Variants in STK32B observed in about 807,000 individuals in gnomAD.
The protein encoded by STK32B is serine/threonine kinase 32B, also known as serine/threonine-protein kinase 32B.
A neutral mutation model predicts 52.6 loss-of-function variants in STK32B; 43 were observed. The ratio of observed to expected loss-of-function variants is 0.82; its 90% CI spans 0.64 to 1.05. STK32B has a LOEUF of 1.05. Among genes scored for constraint, STK32B ranks in the 50% least tolerant of loss-of-function variants. The pLI, the probability that STK32B is intolerant of heterozygous loss-of-function variation, is 0.00. For synonymous variants in STK32B, 238 were observed against 204.3 expected, an observed-to-expected ratio of 1.17 and a Z score of -1.41; for missense variants, 621 against 534.6, an observed-to-expected ratio of 1.16 and a Z score of -1.59.
chr4:5,190,497 G>A (rs1269142613), intron 3 of STK32B, among the ~76,000 whole-genome samples: 1 of 152,118 alleles, frequency 6.6e-6, no homozygotes, highest in Non-Finnish European at 1.5e-5. Context: ...ACTGCATTTG[G>A]TGTCATGGGT....
At chr4:5,240,109 G>A (rs1027670545) in intron 3 of STK32B, among the ~76,000 whole-genome samples, 22 of 144,448 alleles carry the variant, frequency 1.5e-4, no homozygotes, top group African/African-American at 5.4e-4. Context: ...CTTTATCCTT[G>A]GGTTTGACAT....
chr4:5,330,436 AAAAAC>A lies in STK32B; in HGVS notation c.261-774_261-770del, dbSNP rs148481781. Among the ~76,000 whole-genome samples, 3 of 152,330 alleles carry A rather than the reference AAAAAC, an allele frequency of 2.0e-5. No individual in the cohort carries two copies. The East Asian group carries it at 5.8e-4, about 29-fold the overall frequency. ...TACTGTATCAATTTTCTACTGTTTC[AAAAAC>A]AAAACAAAATACCACCCTAAAACTT... On this transcript the variant is annotated intron_variant, in intron 3 of 11. Coordinates refer to ENST00000282908, the MANE Select transcript of STK32B (RefSeq NM_018401.3).
the STK32B span, among the ~76,000 whole-genome samples, chr4:5,037,082 A>G: frequency 3.3e-5 from 5 of 152,074 alleles, no homozygotes; most frequent in Admixed American, 6.5e-5. Context: ...GACCCTATTG[A>G]CACTTTGGGA....
the STK32B span, among the ~76,000 whole-genome samples, chr4:5,036,633 C>G: frequency 3.4e-5 from 5 of 146,390 alleles, no homozygotes; most frequent in Non-Finnish European, 6.0e-5. Flanking sequence ...TTTATAATTA[C>G]ATATTAAATA....
intron 7 of STK32B, 127 bp downstream of exon 7, chr4:5,446,903 G>C: frequency 2.4e-6 from 2 of 835,604 alleles, no homozygotes; most frequent in South Asian, 1.6e-5. Flanking sequence ...CTGCCCCCCA[G>C]GTTTCAGTCC....
Position 5,455,067 on chromosome 4 carries a change from A to C in STK32B, c.667-1740A>C, listed in dbSNP as rs6814599. ...ACAGATAAGAGAGAAGGTGCCACTC[A>C]GGAAAAAAAGCTCCCTTCTGGGTGT... On this transcript the variant is annotated intron_variant, in intron 7 of 11. Coordinates refer to ENST00000282908, the MANE Select transcript of STK32B (RefSeq NM_018401.3). Among the ~76,000 whole-genome samples the C allele has an allele frequency of 8.9e-3, 1,357 of 152,190 alleles. 20 individuals carry two copies. Among genetic ancestry groups the C allele is most frequent in the African/African-American group, 0.031 (1,278 of 41,508 alleles).
intron 4 of STK32B, among the ~76,000 whole-genome samples, chr4:5,385,722 C>T (rs1577426933): frequency 6.6e-6 from 1 of 152,076 alleles, no homozygotes; most frequent in East Asian, 1.9e-4. Flanking sequence ...GCACTCAGTC[C>T]ATCCTCATGG....
intron 5 of STK32B, among the ~76,000 whole-genome samples, chr4:5,401,725 T>C (rs1228084870): frequency 6.6e-6 from 1 of 152,198 alleles, no homozygotes; most frequent in East Asian, 1.9e-4. Context: ...CAATGGGGAA[T>C]TTAAAGACAT....
chr4:5,056,592 C>A (rs1387090709), intron 1 of STK32B, among the ~76,000 whole-genome samples: 1 of 152,252 alleles, frequency 6.6e-6, no homozygotes, highest in East Asian at 1.9e-4. Context: ...GGGGCTCCCG[C>A]CCCCTCCATG....
At position 5,174,574 on chromosome 4, in the gene STK32B, G is replaced by A. The variant is rs149093191; in HGVS notation, c.260+6124G>A. Among the ~76,000 whole-genome samples the A allele has an allele frequency of 9.9e-5, 15 of 152,220 alleles. 1 individual carries two copies. The highest frequency in any genetic ancestry group is 6.2e-4 in the South Asian group (3 of 4,808). On this transcript the variant is annotated intron_variant, in intron 3 of 11. Transcript: ENST00000282908. ...CTTCACTTATGCAGCATAGTTTGGC[G>A]GGATATGAAATTCTGGGTTGAAAAT...
At chr4:5,423,571 G>A (rs770372029) in intron 6 of STK32B, among the ~76,000 whole-genome samples, 1 of 152,178 alleles carries the variant, frequency 6.6e-6, no homozygotes, top group Non-Finnish European at 1.5e-5. Flanking sequence ...TTTAGTGTAT[G>A]CTAAATACTG....
chr4:5,059,318 A>G (rs1245456774), intron 1 of STK32B, among the ~76,000 whole-genome samples: 2 of 151,828 alleles, frequency 1.3e-5, no homozygotes, highest in African/African-American at 4.8e-5. Flanking sequence ...TCACTATTTT[A>G]CAATTAAGTA....
intron 4 of STK32B, among the ~76,000 whole-genome samples, chr4:5,361,848 G>T (rs546682360): frequency 1.5e-3 from 229 of 152,310 alleles, no homozygotes; most frequent in African/African-American, 4.5e-3. Context: ...TTAGGTCGGG[G>T]TAGATCATTA....
At chr4:5,489,251 G>C (rs1208517612) in intron 11 of STK32B, among the ~76,000 whole-genome samples, 4 of 152,072 alleles carry the variant, frequency 2.6e-5, no homozygotes, top group Non-Finnish European at 5.9e-5. Flanking sequence ...TTACCTATGA[G>C]AATTGAGATA....
chr4:5,364,317 T>C (rs941123768), intron 4 of STK32B, among the ~76,000 whole-genome samples: 3 of 152,120 alleles, frequency 2.0e-5, no homozygotes, highest in African/African-American at 7.2e-5. Flanking sequence ...AGCATATCTG[T>C]TATTATTATT....
chr4:5,401,699 G>A (rs1737301190), intron 5 of STK32B, among the ~76,000 whole-genome samples: 1 of 152,224 alleles, frequency 6.6e-6, no homozygotes, highest in Non-Finnish European at 1.5e-5. Flanking sequence ...TTAGGCTGAG[G>A]ATCATAAGAT....
intron 6 of STK32B, among the ~76,000 whole-genome samples, chr4:5,424,045 G>C (rs977992556): frequency 4.6e-5 from 7 of 152,114 alleles, no homozygotes; most frequent in Non-Finnish European, 8.8e-5. Context: ...CTGCTGCCTG[G>C]ACTCGCCCTG....
Position 5,396,270 on chromosome 4 carries a change from A to G in STK32B, c.435-1937A>G, listed in dbSNP as rs1736914268. Among the ~76,000 whole-genome samples, 2 of 152,054 alleles carry G rather than the reference A, an allele frequency of 1.3e-5. No homozygotes were observed. Among genetic ancestry groups the G allele is most frequent in the African/African-American group, 4.8e-5 (2 of 41,398 alleles). On this transcript the variant is annotated intron_variant, in intron 4 of 11. Transcript: ENST00000282908. The surrounding 1 kb of genome is among the most constrained non-coding windows in gnomAD (Gnocchi z 4.7). ...AGGTGGCTCCAGGCGTTTCTGGTTCATGGCTGCATCACTCCAGTATCTGCT... is the reference window on the plus strand; with the variant it reads ...AGGTGGCTCCAGGCGTTTCTGGTTCGTGGCTGCATCACTCCAGTATCTGCT...
intron 1 of STK32B, among the ~76,000 whole-genome samples, chr4:5,088,284 A>C (rs1712848902): frequency 6.6e-6 from 1 of 152,078 alleles, no homozygotes; most frequent in Admixed American, 6.5e-5. Flanking sequence ...GTGGGATCTA[A>C]AAATCAAAAC....
Sources: gnomAD v4.1 joint callset for allele counts (sites outside exome capture counted in the v4.1 genomes callset) on GRCh38, gnomAD v4.1.1 for gene constraint, Gnocchi (gnomAD v3.1) non-coding constraint, MANE v1.5 for transcripts, NCBI Gene and HGNC (gene_info 2026-07-23, HGNC 2026-07-21) for gene names.